The following ZNF197 variants were observed in gnomAD, a reference collection of about 807,000 sequenced individuals.
ZNF197 encodes VHL-associated KRAB-A domain-containing protein.
ZNF197 carries 14 observed loss-of-function variants against 27.4 expected under a neutral mutation model. The ratio of observed to expected loss-of-function variants is 0.51; its 90% confidence interval spans 0.34 to 0.80. The LOEUF (loss-of-function observed/expected upper bound fraction) is 0.80, where lower values mean the gene tolerates loss of function less well. ZNF197 is among the 30% of genes least tolerant of loss of function. The pLI is 0.02. For missense variants in ZNF197, 1,090 were observed against 1,222.6 expected, an observed-to-expected ratio of 0.89 and a Z score of 1.62; for synonymous variants, 415 against 420.0, an observed-to-expected ratio of 0.99 and a Z score of 0.15.
At position 44,644,002 on chromosome 3, in the gene ZNF197, T is replaced by C; in HGVS notation, c.2872T>C (p.Tyr958His). The change falls in exon 6 of 6, where the codon TAT becomes CAT. Residue 958 changes from tyrosine (Y) to histidine (H), a missense_variant. By Grantham distance (83) the Tyr-to-His change is moderately conservative. Transcript: ENST00000344387. ...GAGAATTCACACAGGGGAGAAACCC[T>C]ATGGGTGTAATGATTGTAGTAAAGT... is the stretch of plus-strand genomic sequence containing the variant. Reference protein sequence around the residue: ...HQRIHTGEKPYGCNDCSKVFR... With the variant: ...HQRIHTGEKPHGCNDCSKVFR... The C allele has an allele frequency of 1.2e-6, 2 of 1,614,158 alleles. No homozygotes were observed.
chr3:44,631,421 G>A (rs1701989097), intron 3 of ZNF197, among the ~76,000 whole-genome samples, 200 bp downstream of exon 3: 1 of 149,936 alleles, frequency 6.7e-6, no homozygotes, highest in South Asian at 2.1e-4. Flanking sequence ...TTTTTTTTGA[G>A]ACGGAGTCTC....
rs1702828310 is a variant in ZNF197, at chr3:44,644,368, G to A, written c.*148G>A. The stretch of plus-strand genomic sequence containing the variant: ...GAAGAAAGTTAATAGGCCGGGCTTG[G>A]TGGCTCATGCCTGTAATCCCAGCAC... On this transcript the variant is annotated 3_prime_UTR_variant, in exon 6 of 6. Coordinates refer to ENST00000344387, the MANE Select transcript of ZNF197 (RefSeq NM_006991.5). 6 of 1,402,856 alleles carry A rather than the reference G, an allele frequency of 4.3e-6. No homozygotes were observed. Among genetic ancestry groups the A allele is most frequent in the Non-Finnish European group, 9.2e-7 (1 of 1,087,076 alleles). The allele number at this position is 1,402,856 out of a possible 1,614,324, so 86.9% of individuals were successfully genotyped here. A position where few individuals can be genotyped will look rare whatever the true frequency, so the allele number is the denominator to read the frequency against.
At chr3:44,639,985 A>T (rs761944890) in intron 5 of ZNF197, among the ~76,000 whole-genome samples, 3 of 152,200 alleles carry the variant, frequency 2.0e-5, no homozygotes, top group African/African-American at 7.2e-5. Flanking sequence ...GACAGGATCA[A>T]ATTTACCTAT....
intron 4 of ZNF197, 21 bp from the exon 5 acceptor site, chr3:44,632,452 C>T (rs1293561042): frequency 9.5e-6 from 15 of 1,570,766 alleles, no homozygotes; most frequent in Non-Finnish European, 8.6e-6. Flanking sequence ...TTGGTAATCT[C>T]ACACACACTT....
chr3:44,633,761 C>T (rs992801383), intron 5 of ZNF197, among the ~76,000 whole-genome samples: 1 of 152,116 alleles, frequency 6.6e-6, no homozygotes, highest in Non-Finnish European at 1.5e-5. Flanking sequence ...CTTTTGTATG[C>T]ATCGGGCATG....
intron 5 of ZNF197, among the ~76,000 whole-genome samples, chr3:44,634,334 T>A (rs1702163410): frequency 6.6e-6 from 1 of 152,154 alleles, no homozygotes; most frequent in Admixed American, 6.5e-5. Context: ...TGCCTTTCAA[T>A]ATTATTAATT....
chr3:44,639,149 A>G (rs1322191121), intron 5 of ZNF197, among the ~76,000 whole-genome samples: 1 of 152,256 alleles, frequency 6.6e-6, no homozygotes, highest in Non-Finnish European at 1.5e-5. Flanking sequence ...TGTTATACCA[A>G]CATTATTTTC....
chr3:44,631,282 C>G, intron 3 of ZNF197, 61 bp downstream of exon 3: 1 of 1,597,114 alleles, frequency 6.3e-7, no homozygotes, highest in South Asian at 1.1e-5. Context: ...GCTCATCCCC[C>G]TACTTCCAGG....
Position 44,645,456 on chromosome 3 carries a change from C to A in ZNF197, c.*1236C>A, listed in dbSNP as rs149844336. On this transcript the variant is annotated 3_prime_UTR_variant, in exon 6 of 6. Coordinates refer to ENST00000344387, the MANE Select transcript of ZNF197 (RefSeq NM_006991.5). Reference sequence around the variant, plus strand: ...CCTTTAAAAATATCTGAGGGAGTTACTAGATTATATATCTAGTTTATGTAT... The same window carrying A: ...CCTTTAAAAATATCTGAGGGAGTTAATAGATTATATATCTAGTTTATGTAT... 2.1e-3 allele frequency: 2,024 copies of A among 985,014 alleles called. 36 individuals are homozygous for A. In the African/African-American group the frequency reaches 0.033, roughly 16 times the overall value. 61.0% of individuals were successfully genotyped at this position (985,014 alleles called of 1,614,324 possible). A position where few individuals can be genotyped will look rare whatever the true frequency, so the allele number is the denominator to read the frequency against.
rs1233418952 is a variant in ZNF197 at position 44,631,057 on chromosome 3, T to C, written c.391-5T>C. ...GAAGAGCTAGCTTATTTTACTTGTT[T>C]CCAGGTTCCAGTCCTTGTCAAGGAT... On this transcript the variant is annotated splice_region_variant and splice_polypyrimidine_tract_variant and intron_variant, in intron 2 of 5. Transcript: ENST00000344387. The C allele has an allele frequency of 6.2e-7, 1 of 1,614,014 alleles. No homozygotes were observed. Among genetic ancestry groups the C allele is most frequent in the East Asian group, 2.2e-5 (1 of 44,874 alleles).
At chr3:44,639,951 G>A (rs781754894) in intron 5 of ZNF197, among the ~76,000 whole-genome samples, 4 of 152,178 alleles carry the variant, frequency 2.6e-5, no homozygotes, top group Non-Finnish European at 4.4e-5. Context: ...GCAATGAAGA[G>A]TTAGGTGTTT....
chr3:44,634,600 C>T (rs1267796926), intron 5 of ZNF197, among the ~76,000 whole-genome samples: 3 of 152,054 alleles, frequency 2.0e-5, no homozygotes, highest in Non-Finnish European at 4.4e-5. Flanking sequence ...CAGGCATGCA[C>T]CACCAGGCCC....
In ZNF197 at chr3:44,642,297, G is replaced by C. The variant is rs147994654; in HGVS notation, c.1167G>C (p.Arg389=). 1.4e-5 allele frequency: 23 copies of C among 1,614,114 alleles called. No individual in the cohort carries two copies. The African/African-American group carries it at 2.1e-4, about 15-fold the overall frequency. Residue 389 remains arginine (R), a synonymous_variant, in exon 6 of 6, where the codon CGG becomes CGC. Coordinates refer to ENST00000344387, the MANE Select transcript of ZNF197 (RefSeq NM_006991.5). ...FNKISHLINH[R]RIHTGEKPHK... is the part of the protein sequence containing the mutation. ...AAATCTCCCATCTTATAAACCATCG[G>C]AGAATCCACACTGGTGAGAAACCTC...
At chr3:44,633,765 G>A (rs1053624101) in intron 5 of ZNF197, among the ~76,000 whole-genome samples, 2 of 151,906 alleles carry the variant, frequency 1.3e-5, no homozygotes, top group African/African-American at 4.8e-5. Flanking sequence ...TGTATGCATC[G>A]GGCATGTTTT....
intron 3 of ZNF197, 116 bp downstream of exon 3, chr3:44,631,337 C>T (rs1350578420): frequency 1.0e-5 from 13 of 1,269,418 alleles, no homozygotes; most frequent in African/African-American, 9.0e-5. Flanking sequence ...CTTACAGTGC[C>T]AATTTCTTTC....
At position 44,648,316 on chromosome 3, in the gene ZNF197, C is replaced by A. The variant is rs1349125868; in HGVS notation, c.*4096C>A. 6.6e-6 allele frequency: 1 copy of A among 151,800 alleles called. No homozygotes were observed. The highest frequency in any genetic ancestry group is 1.5e-5 in the Non-Finnish European group (1 of 67,952). 9.4% of individuals were successfully genotyped at this position (151,800 alleles called of 1,614,324 possible). A position where few individuals can be genotyped will look rare whatever the true frequency, so the allele number is the denominator to read the frequency against. Reference sequence around the variant, plus strand: ...GAAGTGTTCTGATGTTTACAACTTTCAAAAAAATGATTTTAAATATGTATT... The same window carrying A: ...GAAGTGTTCTGATGTTTACAACTTTAAAAAAAATGATTTTAAATATGTATT... On this transcript the variant is annotated 3_prime_UTR_variant, in exon 6 of 6. Transcript: ENST00000344387.
At position 44,642,358 on chromosome 3, in the gene ZNF197, C is replaced by T. The variant is rs777952737; in HGVS notation, c.1228C>T (p.Arg410Cys). 18 of 1,613,940 alleles carry T rather than the reference C, an allele frequency of 1.1e-5. No individual in the cohort carries two copies. The highest frequency in any genetic ancestry group is 1.0e-4 in the Admixed American group (6 of 60,008). The change falls in exon 6 of 6, where the codon CGT becomes TGT. Residue 410 changes from arginine to cysteine, a missense_variant. Transcript: ENST00000344387. ...GGAATGTGGAAAAGGCTTTATTCAGCGTTCGAGCCTTCTAATGCATTTACG... is the reference window on the plus strand; with the variant it reads ...GGAATGTGGAAAAGGCTTTATTCAGTGTTCGAGCCTTCTAATGCATTTACG... ...CKECGKGFIQ[R>C]SSLLMHLRNH...
In ZNF197 at chr3:44,640,972, GAAGAA is replaced by G. The variant is rs371223692; in HGVS notation, c.770-924_770-920del. Among the ~76,000 whole-genome samples the G allele has an allele frequency of 1.5e-3, 228 of 152,312 alleles. No homozygotes were observed. The highest frequency in any genetic ancestry group is 2.8e-3 in the Non-Finnish European group (192 of 68,014). On this transcript the variant is annotated intron_variant, in intron 5 of 5. Transcript: ENST00000344387. This position sits in a 1 kb window ranked among gnomAD's most constrained non-coding sequence, Gnocchi z 4.0. ...CTTGTCTTCTCTCTCTGTTTAGATA[GAAGAA>G]AAGTATTGTTATATTCAAAGAGAAG...
chr3:44,634,754 T>G (rs1379446803), intron 5 of ZNF197, among the ~76,000 whole-genome samples: 1 of 152,212 alleles, frequency 6.6e-6, no homozygotes, highest in Non-Finnish European at 1.5e-5. Context: ...CCAGCTGTAT[T>G]TTCTTATTTA....
Sources: allele counts gnomAD v4.1 joint callset (sites outside exome capture counted in the v4.1 genomes callset), GRCh38; gene constraint gnomAD v4.1.1; non-coding constraint Gnocchi (gnomAD v3.1); transcripts MANE v1.5; gene names NCBI Gene and HGNC (gene_info 2026-07-23, HGNC 2026-07-21).